MOG: variants seen among roughly 807,000 people sequenced by gnomAD.
MOG encodes the protein myelin oligodendrocyte glycoprotein.
MOG carries 20 observed loss-of-function variants against 35.9 expected under a neutral mutation model. That is an observed-to-expected ratio of 0.56 (90% CI 0.39 to 0.81). MOG has a LOEUF of 0.81. Among genes scored for constraint, MOG ranks in the 30% least tolerant of loss-of-function variants. The probability of loss-of-function intolerance (pLI) is 0.00; values close to 1 mark genes in which losing one functional copy is unlikely to be tolerated. For missense variants in MOG, 251 were observed against 301.0 expected, an observed-to-expected ratio of 0.83 and a Z score of 1.23; for synonymous variants, 92 against 114.3, an observed-to-expected ratio of 0.80 and a Z score of 1.25.
intron 5 of MOG, among the ~76,000 whole-genome samples, chr6:29,668,501 G>T (rs1263474400): frequency 6.6e-6 from 1 of 152,184 alleles, no homozygotes; most frequent in Non-Finnish European, 1.5e-5. Flanking sequence ...CCAAATATTT[G>T]TTAGATAAAT....
rs564705856 is a variant in MOG, at chr6:29,659,746, T to C, written c.436+80T>C. The C allele has an allele frequency of 6.8e-4, 784 of 1,160,840 alleles. 4 individuals are homozygous for C. Among genetic ancestry groups the C allele is most frequent in the Middle Eastern group, 4.4e-3 (23 of 5,246 alleles). 71.9% of individuals were successfully genotyped at this position (1,160,840 alleles called of 1,614,324 possible). ...ATTCTCTCAACTGAGATGAGATCCC[T>C]CAACCCAAACATCTCAGTCCTGGGA... On this transcript the variant is annotated intron_variant, in intron 2 of 7. Transcript: ENST00000376917.
In MOG at chr6:29,671,179, C is replaced by T. The variant is rs1771390265; in HGVS notation, c.738C>T (p.Pro246=). 6.2e-7 allele frequency: 1 copy of T among 1,612,892 alleles called. No homozygotes were observed. The highest frequency in any genetic ancestry group is 8.5e-7 in the Non-Finnish European group (1 of 1,180,028). Residue 246 remains proline (P), a synonymous_variant, in exon 8 of 8, where the codon CCC becomes CCT. Coordinates refer to ENST00000376917, the MANE Select transcript of MOG (RefSeq NM_206809.4). Reference sequence around the variant, plus strand: ...ATTTTCTCCTTCTTCTAGGAAATCCCTTCTGAGTGATGTCACATCTTGGCA... The same window carrying T: ...ATTTTCTCCTTCTTCTAGGAAATCCTTTCTGAGTGATGTCACATCTTGGCA... ...AGQFLEELRN[P]F is the part of the protein sequence containing the mutation.
Position 29,662,019 on chromosome 6 carries a change from ATTT to A in MOG, c.436+2354_436+2356del. On this transcript the variant is annotated intron_variant, in intron 2 of 7. Transcript: ENST00000376917. The surrounding 1 kb of genome is among the most constrained non-coding windows in gnomAD (Gnocchi z 4.2). The stretch of plus-strand genomic sequence containing the variant: ...CTTTGGAGCCAGGAAGTTGAGACAA[ATTT>A]AGGAATGAGATGAAGTAATGGTATT... The A allele has an allele frequency of 2.0e-6, 2 of 985,376 alleles. No individual in the cohort carries two copies. Among genetic ancestry groups the A allele is most frequent in the Non-Finnish European group, 2.4e-6 (2 of 829,932 alleles). The allele number at this position is 985,376 out of a possible 1,614,324, so 61.0% of individuals were successfully genotyped here. A position where few individuals can be genotyped will look rare whatever the true frequency, so the allele number is the denominator to read the frequency against.
intron 2 of MOG, among the ~76,000 whole-genome samples, chr6:29,660,573 C>G (rs1768417680): frequency 6.8e-6 from 1 of 147,252 alleles, no homozygotes; most frequent in Non-Finnish European, 1.5e-5. Flanking sequence ...CACACACACA[C>G]ACACACACAC....
At position 29,667,915 on chromosome 6, in the gene MOG, C is replaced by T. The variant is rs1770578129; in HGVS notation, c.583C>T (p.Arg195Trp). Reference protein sequence around the residue: ...KLRAEIENLHRTFDPHFLRVP... With the variant: ...KLRAEIENLHWTFDPHFLRVP... ...TGTTTCTCTTTCAGAGAATCTCCAC[C>T]GGACTTTTGGTAAGTTCCGGCATGT... Residue 195 changes from arginine (R) to tryptophan (W), a missense_variant, in exon 5 of 8, where the codon CGG becomes TGG. Arg to Trp is a moderately radical substitution (Grantham distance 101). Coordinates refer to ENST00000376917, the MANE Select transcript of MOG (RefSeq NM_206809.4). 3 of 1,613,270 alleles carry T rather than the reference C, an allele frequency of 1.9e-6. No individual in the cohort carries two copies. Among genetic ancestry groups the T allele is most frequent in the Non-Finnish European group, 2.5e-6 (3 of 1,179,988 alleles).
rs762765531 is a variant in MOG at position 29,657,223 on chromosome 6, C to T, written c.14C>T (p.Ser5Leu). 6 of 1,610,630 alleles carry T rather than the reference C, an allele frequency of 3.7e-6. No individual in the cohort carries two copies. The highest frequency in any genetic ancestry group is 4.2e-6 in the Non-Finnish European group (5 of 1,178,482). ...GGAACAGTAGAGATGGCAAGCTTAT[C>T]AAGACCCTCTCTGCCCAGCTGCCTC... MASL[S>L]RPSLPSCLCS... Residue 5 changes from serine (S) to leucine (L), a missense_variant, in exon 1 of 8, where the codon TCA becomes TTA. By Grantham distance (145) the Ser-to-Leu change is moderately radical. Coordinates refer to ENST00000376917, the MANE Select transcript of MOG (RefSeq NM_206809.4).
chr6:29,657,255 TTCC>T lies in MOG; in HGVS notation c.65_67del (p.Leu22del), dbSNP rs71674097. On this transcript the variant is annotated inframe_deletion, in exon 1 of 8. Transcript: ENST00000376917. ...CTCTCTGCCCAGCTGCCTCTGCTCC[TTCC>T]TCCTCCTCCTCCTCCTCCAAGTGTC... The T allele has an allele frequency of 0.059, 87,770 of 1,498,598 alleles. 3,236 individuals carry two copies. Among genetic ancestry groups the T allele is most frequent in the African/African-American group, 0.19 (13,711 of 72,894 alleles). The allele number at this position is 1,498,598 out of a possible 1,614,324, so 92.8% of individuals were successfully genotyped here.
rs1295206138 is a variant in MOG, at chr6:29,662,239, T to C, written c.436+2573T>C. 11 of 941,382 alleles carry C rather than the reference T, an allele frequency of 1.2e-5. No individual in the cohort carries two copies. Among genetic ancestry groups the C allele is most frequent in the Non-Finnish European group, 1.4e-5 (11 of 790,118 alleles). The allele number at this position is 941,382 out of a possible 1,614,324, so 58.3% of individuals were successfully genotyped here. On this transcript the variant is annotated intron_variant, in intron 2 of 7. Coordinates refer to ENST00000376917, the MANE Select transcript of MOG (RefSeq NM_206809.4). This position sits in a 1 kb window ranked among gnomAD's most constrained non-coding sequence, Gnocchi z 4.2. ...CAGCTCACGCCTGTAATCCCAGCAC[T>C]TTGGGAGGCCGAAGCGGGCAGATCA...
At chr6:29,667,977 G>C (rs1323976544) in intron 5 of MOG, 53 bp downstream of exon 5, 12 of 1,588,416 alleles carry the variant, frequency 7.6e-6, no homozygotes, top group Non-Finnish European at 1.0e-5. Flanking sequence ...TTTCACTCTA[G>C]TTCCAGTCAC....
chr6:29,668,059 A>C (rs1206853040), intron 5 of MOG, 135 bp downstream of exon 5: 4 of 830,968 alleles, frequency 4.8e-6, no homozygotes, highest in Non-Finnish European at 8.1e-6. Flanking sequence ...TTAAATAAGA[A>C]GTCATTTGCA....
At chr6:29,664,421 G>A (rs41291774) in intron 2 of MOG, among the ~76,000 whole-genome samples, 6,440 of 152,000 alleles carry the variant, frequency 0.042, 199 homozygotes, top group South Asian at 0.12. Flanking sequence ...TGGCCAAGCC[G>A]GTCTCGAACT....
intron 5 of MOG, 35 bp downstream of exon 5, chr6:29,667,959 A>C (rs1770593120): frequency 6.2e-7 from 1 of 1,611,182 alleles, no homozygotes; most frequent in Admixed American, 1.7e-5. Flanking sequence ...TCCCAGGTCA[A>C]CTTGGTATTT....
Position 29,661,343 on chromosome 6 carries a change from G to A in MOG, c.436+1677G>A, listed in dbSNP as rs73744777. ...TTCTAGAGACTGCCTGCAGGGATATGGAAATAGCTTTATGTGTCTCAGAAT... is the reference window on the plus strand; with the variant it reads ...TTCTAGAGACTGCCTGCAGGGATATAGAAATAGCTTTATGTGTCTCAGAAT... On this transcript the variant is annotated intron_variant, in intron 2 of 7. Transcript: ENST00000376917. 5.4e-4 allele frequency: 534 copies of A among 982,780 alleles called. 4 individuals are homozygous for A. The African/African-American group carries it at 8.3e-3, about 15-fold the overall frequency. The allele number at this position is 982,780 out of a possible 1,614,324, so 60.9% of individuals were successfully genotyped here.
In MOG at chr6:29,670,020, C is replaced by A; in HGVS notation, c.593-261C>A. The A allele has an allele frequency of 4.2e-6, 3 of 712,342 alleles. No homozygotes were observed. Among genetic ancestry groups the A allele is most frequent in the Non-Finnish European group, 7.7e-6 (3 of 390,686 alleles). The allele number at this position is 712,342 out of a possible 1,614,324, so 44.1% of individuals were successfully genotyped here. ...TCTTGGCCTCATGATCCACCCGTCT[C>A]GGACTCCCAGAGTGTTGGGATTACA... On this transcript the variant is annotated intron_variant, in intron 5 of 7. Transcript: ENST00000376917. The surrounding 1 kb of genome is among the most constrained non-coding windows in gnomAD (Gnocchi z 4.2).
intron 2 of MOG, chr6:29,663,940 C>T (rs1769530484): frequency 1.0e-5 from 10 of 969,112 alleles, no homozygotes; most frequent in Non-Finnish European, 1.2e-5. Context: ...GTGATGTATC[C>T]CTACCTTTGA....
At position 29,667,652 on chromosome 6, in the gene MOG, G is replaced by T; in HGVS notation, c.560G>T (p.Arg187Leu). ...CCTTTTTCTATTTTAGGAAAACTTC[G>T]AGCAGAGATAGGTGAGTTCCAGTCA... ...CLQYRLRGKLRAEIENLHRTF... is the reference protein window; with the variant it reads ...CLQYRLRGKLLAEIENLHRTF... Residue 187 changes from arginine (R) to leucine (L), a missense_variant, in exon 4 of 8, where the codon CGA becomes CTA. Transcript: ENST00000376917. The T allele has an allele frequency of 6.2e-7, 1 of 1,613,746 alleles. No homozygotes were observed. The highest frequency in any genetic ancestry group is 8.5e-7 in the Non-Finnish European group (1 of 1,179,992).
At chr6:29,665,664 T>C (rs957711511) in intron 2 of MOG, among the ~76,000 whole-genome samples, 1 of 152,048 alleles carries the variant, frequency 6.6e-6, no homozygotes, top group African/African-American at 2.4e-5. Context: ...GTCCTGTAGG[T>C]GCTAAATCTG....
At chr6:29,664,808 T>G (rs1419758149) in intron 2 of MOG, 1 of 323,028 alleles carries the variant, frequency 3.1e-6, no homozygotes, top group East Asian at 1.1e-4. Flanking sequence ...GGTCTCACAT[T>G]ATGTTGCCCA....
At chr6:29,667,705 T>G in intron 4 of MOG, 42 bp downstream of exon 4, 3 of 1,612,206 alleles carry the variant, frequency 1.9e-6, no homozygotes, top group Non-Finnish European at 2.5e-6. Context: ...TGCCTTTTGG[T>G]TTTTTGGCAT....
Sources: gnomAD v4.1 joint callset for allele counts (sites outside exome capture counted in the v4.1 genomes callset) on GRCh38, gnomAD v4.1.1 for gene constraint, Gnocchi (gnomAD v3.1) non-coding constraint, MANE v1.5 for transcripts, NCBI Gene and HGNC (gene_info 2026-07-23, HGNC 2026-07-21) for gene names.